PPP2R2A: variants seen among roughly 807,000 people sequenced by gnomAD.
PPP2R2A encodes the protein serine/threonine-protein phosphatase 2A 55 kDa regulatory subunit B alpha isoform.
A neutral mutation model predicts 53.2 loss-of-function variants in PPP2R2A; 9 were observed. The ratio of observed to expected loss-of-function variants is 0.17; its 90% confidence interval spans 0.10 to 0.30. The LOEUF (loss-of-function observed/expected upper bound fraction) is 0.30, where lower values mean the gene tolerates loss of function less well. PPP2R2A is among the 10% of genes least tolerant of loss of function. The probability of loss-of-function intolerance (pLI) is 1.00; values close to 1 mark genes in which losing one functional copy is unlikely to be tolerated. For missense variants in PPP2R2A, 235 were observed against 534.6 expected, an observed-to-expected ratio of 0.44 and a Z score of 5.53; for synonymous variants, 169 against 174.2, an observed-to-expected ratio of 0.97 and a Z score of 0.23.
At chr8:26,368,626 C>G (rs555176154) in intron 9 of PPP2R2A, among the ~76,000 whole-genome samples, 54 of 152,252 alleles carry the variant, frequency 3.5e-4, no homozygotes, top group African/African-American at 1.3e-3. Context: ...CATAGCAAGA[C>G]CCTGTCTCTA....
intron 2 of PPP2R2A, among the ~76,000 whole-genome samples, chr8:26,323,253 A>G (rs1442268121): frequency 5.9e-5 from 9 of 151,976 alleles, no homozygotes; most frequent in Admixed American, 5.9e-4. Flanking sequence ...CTAGCTGACT[A>G]TGTAGAAAAC....
chr8:26,369,423 C>T (rs1449048330), intron 9 of PPP2R2A, among the ~76,000 whole-genome samples: 1 of 151,230 alleles, frequency 6.6e-6, no homozygotes, highest in African/African-American at 2.4e-5. Flanking sequence ...CGGAGTCTTG[C>T]TCAGTTGCCC....
intron 2 of PPP2R2A, among the ~76,000 whole-genome samples, chr8:26,332,747 C>T (rs983370932): frequency 7.9e-5 from 12 of 152,118 alleles, no homozygotes; most frequent in Admixed American, 2.0e-4. Context: ...GTAATGTGGT[C>T]ATTAATAAGT....
chr8:26,295,257 A>G (rs953563505), intron 2 of PPP2R2A, among the ~76,000 whole-genome samples: 1 of 152,232 alleles, frequency 6.6e-6, no homozygotes, highest in African/African-American at 2.4e-5. Flanking sequence ...CAAGGAGCTC[A>G]TAGTTTGCTT....
At chr8:26,326,445 C>G (rs1803091464) in intron 2 of PPP2R2A, among the ~76,000 whole-genome samples, 1 of 152,162 alleles carries the variant, frequency 6.6e-6, no homozygotes, top group African/African-American at 2.4e-5. Context: ...AAATATTTTG[C>G]CTCTTTGTTT....
intron 3 of PPP2R2A, among the ~76,000 whole-genome samples, chr8:26,344,085 C>T (rs17055142): frequency 0.069 from 10,529 of 152,148 alleles, 407 homozygotes; most frequent in African/African-American, 0.087. Flanking sequence ...AGTGATTCTT[C>T]ACTGCAGAAG....
chr8:26,293,571 TGTTA>T, intron 1 of PPP2R2A, 91 bp from the exon 2 acceptor site: 2 of 1,207,270 alleles, frequency 1.7e-6, no homozygotes, highest in Non-Finnish European at 2.4e-6. Flanking sequence ...AGAACTAGGC[TGTTA>T]GTATCATGCC....
At chr8:26,307,839 G>C (rs1026469874) in intron 2 of PPP2R2A, among the ~76,000 whole-genome samples, 1 of 152,180 alleles carries the variant, frequency 6.6e-6, no homozygotes, top group Admixed American at 6.5e-5. Flanking sequence ...AAAGTAACTT[G>C]CTCAAAGTCA....
Position 26,371,730 on chromosome 8 carries a change from G to T in PPP2R2A, c.*1317G>T, listed in dbSNP as rs574674548. ...AAAGACAAATTTTTAAAGGTACAGC[G>T]TTCAAAAAGTGCTTAATGAACTCCA... On this transcript the variant is annotated 3_prime_UTR_variant, in exon 10 of 10. Coordinates refer to ENST00000380737, the MANE Select transcript of PPP2R2A (RefSeq NM_002717.4). 1 of 152,096 alleles carries T rather than the reference G, an allele frequency of 6.6e-6. No homozygotes were observed. The highest frequency in any genetic ancestry group is 1.5e-5 in the Non-Finnish European group (1 of 67,986). The allele number at this position is 152,096 out of a possible 1,614,324, so 9.4% of individuals were successfully genotyped here.
At chr8:26,312,095 T>C (rs961425301) in intron 2 of PPP2R2A, among the ~76,000 whole-genome samples, 13 of 152,234 alleles carry the variant, frequency 8.5e-5, no homozygotes, top group Admixed American at 2.6e-4. Context: ...GAATCTTTTA[T>C]CAGAGTTTCA....
intron 2 of PPP2R2A, among the ~76,000 whole-genome samples, chr8:26,329,753 CAG>C: frequency 6.6e-6 from 1 of 152,234 alleles, no homozygotes; most frequent in South Asian, 2.1e-4. Flanking sequence ...AGGGTTTTTT[CAG>C]GGGATAGAGG....
chr8:26,360,488 C>T lies in PPP2R2A; in HGVS notation c.459+207C>T. 2.7e-6 allele frequency: 1 copy of T among 369,618 alleles called. No individual in the cohort carries two copies. Among genetic ancestry groups the T allele is most frequent in the Admixed American group, 4.4e-5 (1 of 22,958 alleles). 22.9% of individuals were successfully genotyped at this position (369,618 alleles called of 1,614,324 possible). On this transcript the variant is annotated intron_variant, in intron 5 of 9. Coordinates refer to ENST00000380737, the MANE Select transcript of PPP2R2A (RefSeq NM_002717.4). The surrounding 1 kb of genome is among the most constrained non-coding windows in gnomAD (Gnocchi z 4.5). ...ACTTTGGCCAGGGACAGAAGCAGGA[C>T]TCAAGCACAAGACAGTATTTCACGC... is the stretch of plus-strand genomic sequence containing the variant.
rs1459025147 is a variant in PPP2R2A at position 26,314,857 on chromosome 8, CT to C, written c.82+21122del. Among the ~76,000 whole-genome samples the C allele has an allele frequency of 5.8e-5, 8 of 137,940 alleles. No individual in the cohort carries two copies. In the South Asian group the frequency reaches 7.3e-4, roughly 13 times the overall value. The allele number at this position is 137,940 out of a possible 152,430, so 90.5% of individuals were successfully genotyped here. Reference sequence around the variant, plus strand: ...TTCTGGAACTTATCTGGATCTTGGACTTTTTGTACTGGTCCTCTTTTTTTTT... The same window carrying C: ...TTCTGGAACTTATCTGGATCTTGGACTTTTGTACTGGTCCTCTTTTTTTTT... On this transcript the variant is annotated intron_variant, in intron 2 of 9. Coordinates refer to ENST00000380737, the MANE Select transcript of PPP2R2A (RefSeq NM_002717.4).
chr8:26,350,204 C>T (rs1804421671), intron 3 of PPP2R2A, among the ~76,000 whole-genome samples: 1 of 152,254 alleles, frequency 6.6e-6, no homozygotes, highest in South Asian at 2.1e-4. Flanking sequence ...GCTGGGATTA[C>T]AGGCATGCAC....
intron 2 of PPP2R2A, among the ~76,000 whole-genome samples, chr8:26,301,535 C>G (rs1031469839): frequency 6.6e-6 from 1 of 151,930 alleles, no homozygotes. Context: ...ACAGATCTCA[C>G]CATGTTGCCC....
At chr8:26,339,040 C>T (rs1289190267) in intron 3 of PPP2R2A, 53 bp downstream of exon 3, 1 of 1,325,280 alleles carries the variant, frequency 7.5e-7, no homozygotes, top group Non-Finnish European at 1.1e-6. Context: ...AGGACTAGAG[C>T]TTGTGTTGCA....
At chr8:26,359,716 T>A (rs1804981489) in intron 4 of PPP2R2A, among the ~76,000 whole-genome samples, 1 of 152,184 alleles carries the variant, frequency 6.6e-6, no homozygotes, top group African/African-American at 2.4e-5. Context: ...TGCTAAGAAG[T>A]GGGAGCAAGG....
Position 26,293,742 on chromosome 8 carries a change from TAAGA to T in PPP2R2A, c.82+6_82+9del. The T allele has an allele frequency of 1.9e-6, 3 of 1,613,480 alleles. No individual in the cohort carries two copies. Among genetic ancestry groups the T allele is most frequent in the Non-Finnish European group, 1.7e-6 (2 of 1,179,578 alleles). ...CAGTAGATGATGATGTAGCAGAAGG[TAAGA>T]AAGCGTTTAATGCAAAATTTGGATA... is the stretch of plus-strand genomic sequence containing the variant. On this transcript the variant is annotated splice_donor_5th_base_variant and intron_variant, in intron 2 of 9. Transcript: ENST00000380737.
intron 3 of PPP2R2A, among the ~76,000 whole-genome samples, chr8:26,347,230 A>G (rs1045973090): frequency 1.3e-5 from 2 of 151,488 alleles, no homozygotes; most frequent in African/African-American, 4.9e-5. Flanking sequence ...TCTCTCAGAG[A>G]GAAACCAACT....
Sources: allele counts gnomAD v4.1 joint callset (sites outside exome capture counted in the v4.1 genomes callset), GRCh38; gene constraint gnomAD v4.1.1; non-coding constraint Gnocchi (gnomAD v3.1); transcripts MANE v1.5; gene names NCBI Gene and HGNC (gene_info 2026-07-23, HGNC 2026-07-21).